PACS1: variants seen among roughly 807,000 people sequenced by gnomAD.
The protein encoded by PACS1 is PACS-1.
In PACS1, 24 loss-of-function variants were observed where a neutral mutation model predicts 115.0. The ratio of observed to expected loss-of-function variants is 0.21; its 90% CI spans 0.15 to 0.29. The LOEUF (loss-of-function observed/expected upper bound fraction) is 0.29, where lower values mean the gene tolerates loss of function less well. PACS1 is among the 10% of genes least tolerant of loss of function. The probability of loss-of-function intolerance (pLI) is 1.00; values close to 1 mark genes in which losing one functional copy is unlikely to be tolerated. For missense variants in PACS1, 838 were observed against 1,251.2 expected, an observed-to-expected ratio of 0.67 and a Z score of 4.98; for synonymous variants, 453 against 504.5, an observed-to-expected ratio of 0.90 and a Z score of 1.37.
At chr11:66,221,538 C>T (rs1157934638) in intron 10 of PACS1, 2 of 323,212 alleles carry the variant, frequency 6.2e-6, no homozygotes, top group Non-Finnish European at 1.2e-5. Flanking sequence ...CCCAGCTACT[C>T]AGGAGGATGA....
chr11:66,077,355 G>A (rs954314219), intron 1 of PACS1, among the ~76,000 whole-genome samples: 7 of 152,216 alleles, frequency 4.6e-5, no homozygotes, highest in Admixed American at 1.3e-4. Context: ...TTGAGCCCAG[G>A]AGTTTGAGAC....
intron 21 of PACS1, among the ~76,000 whole-genome samples, chr11:66,239,926 C>T (rs1014847463): frequency 2.6e-5 from 4 of 152,226 alleles, no homozygotes; most frequent in African/African-American, 9.6e-5. Context: ...GAGGCCAAGG[C>T]CGGAGGATCG....
chr11:66,100,160 G>A (rs372663200), intron 1 of PACS1, among the ~76,000 whole-genome samples: 1 of 152,172 alleles, frequency 6.6e-6, no homozygotes, highest in Non-Finnish European at 1.5e-5. Context: ...GATTACAGGC[G>A]TGGGCCACCA....
Position 66,234,253 on chromosome 11 carries a change from C to T in PACS1, c.2104+11C>T, listed in dbSNP as rs1855661639. The T allele has an allele frequency of 4.4e-6, 7 of 1,587,332 alleles. No individual in the cohort carries two copies. Among genetic ancestry groups the T allele is most frequent in the Admixed American group, 1.7e-5 (1 of 59,950 alleles). On this transcript the variant is annotated intron_variant, in intron 17 of 23. Transcript: ENST00000320580. Reference sequence around the variant, plus strand: ...AGCCACCAGTGTCAGGTAATGGCCCCGTGTAAGGAGCTTACTCCCACCCCC... The same window carrying T: ...AGCCACCAGTGTCAGGTAATGGCCCTGTGTAAGGAGCTTACTCCCACCCCC...
chr11:66,095,856 G>A (rs1411840921), intron 1 of PACS1, among the ~76,000 whole-genome samples: 2 of 152,078 alleles, frequency 1.3e-5, no homozygotes, highest in Admixed American at 6.6e-5. Flanking sequence ...GGTATTATCT[G>A]GTGAATTCCA....
rs993454475 is a variant in PACS1, at chr11:66,215,314, G to A, written c.661-805G>A. On this transcript the variant is annotated intron_variant, in intron 4 of 23. Coordinates refer to ENST00000320580, the MANE Select transcript of PACS1 (RefSeq NM_018026.4). ...CTTCTGGGGATAATTTTAAAGTTAA[G>A]ACCTTAGGCCAAATGCAGTGGCTCA... Among the ~76,000 whole-genome samples, 212 of 150,256 alleles carry A rather than the reference G, an allele frequency of 1.4e-3. 1 individual carries two copies. The highest frequency in any genetic ancestry group is 5.0e-3 in the African/African-American group (207 of 41,012).
intron 1 of PACS1, among the ~76,000 whole-genome samples, chr11:66,132,366 A>T (rs1267167404): frequency 6.6e-6 from 1 of 151,786 alleles, no homozygotes; most frequent in African/African-American, 2.4e-5. Context: ...GTCAATTAAA[A>T]CCCTTTCCTT....
Position 66,232,355 on chromosome 11 carries a change from T to C in PACS1, c.1731+79T>C, listed in dbSNP as rs1003456006. On this transcript the variant is annotated intron_variant, in intron 14 of 23. Coordinates refer to ENST00000320580, the MANE Select transcript of PACS1 (RefSeq NM_018026.4). ...GGTTGCATTGTCAGTGTGGCCTCCA[T>C]ACTATTGCGTGGGGAGGTGGGGAAC... 6 of 798,008 alleles carry C rather than the reference T, an allele frequency of 7.5e-6. No individual in the cohort carries two copies. The Admixed American group carries it at 9.7e-5, about 13-fold the overall frequency. The allele number at this position is 798,008 out of a possible 1,614,324, so 49.4% of individuals were successfully genotyped here. A position where few individuals can be genotyped will look rare whatever the true frequency, so the allele number is the denominator to read the frequency against.
intron 1 of PACS1, among the ~76,000 whole-genome samples, chr11:66,115,596 A>G (rs1858287453): frequency 6.6e-6 from 1 of 152,256 alleles, no homozygotes; most frequent in South Asian, 2.1e-4. Flanking sequence ...TGAGGTAAGT[A>G]TATTTCTTCA....
chr11:66,150,447 A>G (rs924853228), intron 1 of PACS1, among the ~76,000 whole-genome samples: 13 of 150,524 alleles, frequency 8.6e-5, no homozygotes, highest in Non-Finnish European at 1.3e-4. Flanking sequence ...TTTTTCTTTT[A>G]TGTTGTTTCC....
chr11:66,238,587 G>GC, intron 19 of PACS1: 1 of 510,280 alleles, frequency 2.0e-6, no homozygotes, highest in Admixed American at 3.3e-5. Context: ...TGAAACCTCC[G>GC]CCTCTCAGGT....
chr11:66,164,459 T>G (rs1002380394), intron 1 of PACS1, among the ~76,000 whole-genome samples: 1 of 150,342 alleles, frequency 6.7e-6, no homozygotes, highest in Non-Finnish European at 1.5e-5. Flanking sequence ...TTTTTTTCAT[T>G]TGTGAGTATA....
intron 2 of PACS1, among the ~76,000 whole-genome samples, chr11:66,200,038 C>A (rs61890326): frequency 1.6e-5 from 2 of 122,490 alleles, no homozygotes; most frequent in Non-Finnish European, 3.6e-5. Context: ...AAAACAAAAA[C>A]AAAACAAAAC....
intron 1 of PACS1, among the ~76,000 whole-genome samples, chr11:66,085,442 C>G (rs1168312156): frequency 6.6e-6 from 1 of 152,208 alleles, no homozygotes; most frequent in Admixed American, 6.5e-5. Flanking sequence ...TCCTATTTCC[C>G]TCTCGTTCTG....
At chr11:66,091,771 G>A (rs1857670834) in intron 1 of PACS1, among the ~76,000 whole-genome samples, 1 of 151,594 alleles carries the variant, frequency 6.6e-6, no homozygotes, top group Admixed American at 6.6e-5. Flanking sequence ...AATATGCAGT[G>A]TTTGGTTTTT....
chr11:66,146,907 A>G (rs1859137237), intron 1 of PACS1, among the ~76,000 whole-genome samples: 1 of 152,094 alleles, frequency 6.6e-6, no homozygotes. Context: ...AAATACAAAA[A>G]TTAGCTAGGC....
chr11:66,155,922 A>G (rs1209003127), intron 1 of PACS1, among the ~76,000 whole-genome samples: 1 of 152,096 alleles, frequency 6.6e-6, no homozygotes, highest in Non-Finnish European at 1.5e-5. Context: ...ATCTGGCTCA[A>G]AAACATGCTT....
intron 1 of PACS1, among the ~76,000 whole-genome samples, chr11:66,128,033 T>C (rs992989479): frequency 4.6e-5 from 7 of 152,126 alleles, no homozygotes; most frequent in African/African-American, 1.7e-4. Context: ...AACTGCATTA[T>C]AGGATAAACA....
intron 1 of PACS1, among the ~76,000 whole-genome samples, chr11:66,192,547 CT>C (rs1336553190): frequency 6.6e-6 from 1 of 152,214 alleles, no homozygotes; most frequent in Non-Finnish European, 1.5e-5. Context: ...AGACAGGGGC[CT>C]GAGCAGGGCC....
Sources: gnomAD v4.1 joint callset for allele counts (sites outside exome capture counted in the v4.1 genomes callset) on GRCh38, gnomAD v4.1.1 for gene constraint, MANE v1.5 for transcripts, NCBI Gene and HGNC (gene_info 2026-07-23, HGNC 2026-07-21) for gene names.